The following AKAP6 variants were observed in gnomAD, a reference collection of about 807,000 sequenced individuals.
AKAP6 encodes the protein A-kinase anchoring protein 6, also known as A-kinase anchor protein 6.
A neutral mutation model predicts 188.5 loss-of-function variants in AKAP6; 58 were observed. The ratio of observed to expected loss-of-function variants is 0.31; its 90% CI spans 0.25 to 0.38. The LOEUF is 0.38. Ranked by LOEUF, AKAP6 falls within the 10% of genes least tolerant of loss-of-function variation. The pLI, the probability that AKAP6 is intolerant of heterozygous loss-of-function variation, is 1.00. For synonymous variants in AKAP6, 989 were observed against 998.6 expected (o/e 0.99, Z 0.18); for missense variants, 2,710 against 2,740.0 (o/e 0.99, Z 0.24).
chr14:32,558,708 C>T lies in AKAP6; in HGVS notation c.2346+11709C>T, dbSNP rs112864822. Among the ~76,000 whole-genome samples the T allele has an allele frequency of 2.6e-3, 400 of 152,272 alleles. 3 individuals are homozygous for T. Among genetic ancestry groups the T allele is most frequent in the African/African-American group, 9.1e-3 (378 of 41,558 alleles). Reference sequence around the variant, plus strand: ...TCTCTTTTACCTAGAGGCAGACAGTCGAGGGAAGATAGAGGTCGTCCTGAG... The same window carrying T: ...TCTCTTTTACCTAGAGGCAGACAGTTGAGGGAAGATAGAGGTCGTCCTGAG... On this transcript the variant is annotated intron_variant, in intron 4 of 13. Transcript: ENST00000280979.
chr14:32,581,676 T>C (rs1487996110), intron 5 of AKAP6, among the ~76,000 whole-genome samples: 2 of 152,220 alleles, frequency 1.3e-5, no homozygotes, highest in African/African-American at 4.8e-5. Context: ...ATCTGGGTGC[T>C]CCTGTATTGG....
chr14:32,590,457 A>T (rs975134640), intron 5 of AKAP6, among the ~76,000 whole-genome samples: 4 of 152,190 alleles, frequency 2.6e-5, no homozygotes, highest in Admixed American at 1.3e-4. Context: ...AAAACAAAAC[A>T]AAACAAAACT....
chr14:32,569,598 T>C (rs1413676694), intron 4 of AKAP6, among the ~76,000 whole-genome samples: 1 of 152,202 alleles, frequency 6.6e-6, no homozygotes, highest in Non-Finnish European at 1.5e-5. Flanking sequence ...AGTGTTGTTA[T>C]GCAAAAATCT....
At chr14:32,628,215 G>A (rs572412552) in intron 7 of AKAP6, 1 of 152,152 alleles carries the variant, frequency 6.6e-6, no homozygotes, top group African/African-American at 2.4e-5. Context: ...TCAGTTATCT[G>A]GTGGTAATGA....
Position 32,694,954 on chromosome 14 carries a change from G to A in AKAP6, c.2880-1036G>A, listed in dbSNP as rs115281904. On this transcript the variant is annotated intron_variant, in intron 8 of 13. Coordinates refer to ENST00000280979, the MANE Select transcript of AKAP6 (RefSeq NM_004274.5). ...TCAGTTACAATTTCACAAGACTGTAGGATTTCTTTTAGTGGGGTGATTTTG... is the reference window on the plus strand; with the variant it reads ...TCAGTTACAATTTCACAAGACTGTAAGATTTCTTTTAGTGGGGTGATTTTG... 5.8e-3 allele frequency among the ~76,000 whole-genome samples: 883 copies of A among 152,212 alleles called. 4 individuals are homozygous for A. Among genetic ancestry groups the A allele is most frequent in the African/African-American group, 0.014 (561 of 41,524 alleles).
chr14:32,425,895 T>C (rs1890014046), intron 1 of AKAP6, among the ~76,000 whole-genome samples: 1 of 152,222 alleles, frequency 6.6e-6, no homozygotes, highest in South Asian at 2.1e-4. Context: ...CAATTGCTTT[T>C]GGTGTCTTCA....
intron 1 of AKAP6, among the ~76,000 whole-genome samples, chr14:32,396,265 C>T (rs989603612): frequency 2.0e-5 from 3 of 152,258 alleles, no homozygotes; most frequent in Admixed American, 6.5e-5. Context: ...CATGGCTTGC[C>T]AGCCTCATGG....
chr14:32,330,787 G>A (rs915835369), intron 1 of AKAP6, among the ~76,000 whole-genome samples: 1 of 138,604 alleles, frequency 7.2e-6, no homozygotes, highest in African/African-American at 2.7e-5. Flanking sequence ...CCAGCCAGAG[G>A]AAAGGCCTCA....
chr14:32,624,234 TAAATGAC>T (rs1175382105), intron 7 of AKAP6, among the ~76,000 whole-genome samples: 3 of 152,166 alleles, frequency 2.0e-5, no homozygotes, highest in Non-Finnish European at 4.4e-5. Context: ...TAGGTGGTCG[TAAATGAC>T]AACAAAGCAC....
chr14:32,468,007 G>C (rs367553867), intron 2 of AKAP6, among the ~76,000 whole-genome samples: 26 of 151,768 alleles, frequency 1.7e-4, no homozygotes, highest in African/African-American at 5.3e-4. Flanking sequence ...TTCTGTTCTT[G>C]TATGTGTTAT....
intron 7 of AKAP6, among the ~76,000 whole-genome samples, chr14:32,606,548 T>G (rs1026174026): frequency 2.6e-5 from 4 of 152,206 alleles, no homozygotes; most frequent in African/African-American, 9.6e-5. Context: ...TCCTTCACCC[T>G]TTTTAAAGAA....
intron 2 of AKAP6, among the ~76,000 whole-genome samples, chr14:32,510,426 A>ATATATATG (rs1491099333): frequency 1.4e-5 from 1 of 69,640 alleles, no homozygotes; most frequent in Admixed American, 1.6e-4. Flanking sequence ...ATATATATAC[A>ATATATATG]TATATATATG....
intron 2 of AKAP6, among the ~76,000 whole-genome samples, chr14:32,526,704 C>A (rs1882149316): frequency 6.6e-6 from 1 of 152,014 alleles, no homozygotes; most frequent in Non-Finnish European, 1.5e-5. Flanking sequence ...CTTAATATGA[C>A]AAAAGAAGAA....
intron 11 of AKAP6, among the ~76,000 whole-genome samples, chr14:32,743,641 G>A (rs1028482990): frequency 5.3e-5 from 8 of 152,006 alleles, no homozygotes; most frequent in African/African-American, 1.9e-4. Context: ...CAACAAACAA[G>A]CAAAAAGAAA....
chr14:32,708,401 A>AAGAG (rs34645535), intron 9 of AKAP6, among the ~76,000 whole-genome samples: 1 of 150,518 alleles, frequency 6.6e-6, no homozygotes, highest in Non-Finnish European at 1.5e-5. Context: ...ATGTGAGAGA[A>AAGAG]AGAGAGAGAG....
intron 4 of AKAP6, among the ~76,000 whole-genome samples, chr14:32,559,441 AT>A (rs1452936048): frequency 1.3e-5 from 2 of 152,198 alleles, no homozygotes; most frequent in Admixed American, 6.5e-5. Context: ...GATCTGAACA[AT>A]TTTTAAATAG....
At chr14:32,780,343 G>GA in intron 12 of AKAP6, among the ~76,000 whole-genome samples, 1 of 151,322 alleles carries the variant, frequency 6.6e-6, no homozygotes, top group Admixed American at 6.6e-5. Context: ...AATCTAAAAA[G>GA]AAAAAAAGAA....
At chr14:32,609,187 A>G (rs1254332201) in intron 7 of AKAP6, among the ~76,000 whole-genome samples, 1 of 151,726 alleles carries the variant, frequency 6.6e-6, no homozygotes, top group African/African-American at 2.4e-5. Context: ...CACCCTAAAT[A>G]CTCCAAATGC....
chr14:32,775,578 A>G (rs1165104427), intron 12 of AKAP6, among the ~76,000 whole-genome samples: 2 of 151,996 alleles, frequency 1.3e-5, no homozygotes, highest in Non-Finnish European at 2.9e-5. Context: ...GACTACAGGC[A>G]TGTGTCAGCA....
Sources: gnomAD v4.1 joint callset for allele counts (sites outside exome capture counted in the v4.1 genomes callset) on GRCh38, gnomAD v4.1.1 for gene constraint, MANE v1.5 for transcripts, NCBI Gene and HGNC (gene_info 2026-07-23, HGNC 2026-07-21) for gene names.